The following GABRB1 variants were observed in gnomAD, a reference collection of about 807,000 sequenced individuals.
GABRB1 encodes gamma-aminobutyric acid receptor subunit beta-1.
In GABRB1, 17 loss-of-function variants were observed where a neutral mutation model predicts 51.6. The observed-to-expected ratio is 0.33, with a 90% CI of 0.23 to 0.49. The LOEUF is 0.49. Among genes scored for constraint, GABRB1 ranks in the 20% least tolerant of loss-of-function variants. The pLI is 0.99. For synonymous variants in GABRB1, 247 were observed against 218.9 expected (o/e 1.13, Z -1.14); for missense variants, 410 against 600.6 (o/e 0.68, Z 3.32).
chr4:47,044,567 A>C (rs2109494892), intron 3 of GABRB1, among the ~76,000 whole-genome samples: 1 of 152,162 alleles, frequency 6.6e-6, no homozygotes, highest in East Asian at 1.9e-4. Context: ...GAGTGTCACG[A>C]GATATATATG....
chr4:47,068,227 T>C (rs566061668), intron 3 of GABRB1, among the ~76,000 whole-genome samples: 2 of 152,338 alleles, frequency 1.3e-5, no homozygotes, highest in East Asian at 3.9e-4. Flanking sequence ...CTTAAAGTAA[T>C]GTTGTGGCTG....
chr4:47,059,268 C>A (rs1352725708), intron 3 of GABRB1, among the ~76,000 whole-genome samples: 2 of 152,164 alleles, frequency 1.3e-5, no homozygotes, highest in Non-Finnish European at 2.9e-5. Flanking sequence ...ATGCTGTTTA[C>A]CCCTAGGTTT....
At chr4:47,373,042 C>T (rs1359928082) in intron 5 of GABRB1, among the ~76,000 whole-genome samples, 5 of 152,186 alleles carry the variant, frequency 3.3e-5, no homozygotes, top group Non-Finnish European at 1.5e-5. Flanking sequence ...GACACAGAGA[C>T]TTGTCAGTAA....
At chr4:47,358,157 G>A (rs6812354) in intron 5 of GABRB1, among the ~76,000 whole-genome samples, 64,478 of 151,754 alleles carry the variant, frequency 0.42, 14,305 homozygotes, top group African/African-American at 0.48. Context: ...TCTAAAGGCC[G>A]TTCACTTAGC....
chr4:47,284,269 C>A (rs577969464), intron 4 of GABRB1, among the ~76,000 whole-genome samples: 9 of 152,150 alleles, frequency 5.9e-5, no homozygotes, highest in African/African-American at 2.2e-4. Context: ...AATGCTCTGC[C>A]AGCCACACTT....
intron 4 of GABRB1, among the ~76,000 whole-genome samples, chr4:47,274,433 C>T (rs561080801): frequency 1.3e-5 from 2 of 152,172 alleles, no homozygotes; most frequent in South Asian, 4.1e-4. Context: ...TTATTTTAGA[C>T]CTTTTACTGA....
intron 3 of GABRB1, among the ~76,000 whole-genome samples, chr4:47,067,827 T>C (rs1315975682): frequency 6.6e-6 from 1 of 152,140 alleles, no homozygotes; most frequent in African/African-American, 2.4e-5. Context: ...ACCCATCACC[T>C]AGGTACTAAG....
intron 4 of GABRB1, among the ~76,000 whole-genome samples, chr4:47,266,898 CTG>C (rs529458452): frequency 9.4e-4 from 143 of 151,830 alleles, no homozygotes; most frequent in Non-Finnish European, 1.7e-3. Flanking sequence ...CCCACTCTTA[CTG>C]TATTGCTGTA....
chr4:47,194,056 C>G (rs910231875), intron 4 of GABRB1, among the ~76,000 whole-genome samples: 3 of 152,132 alleles, frequency 2.0e-5, no homozygotes, highest in Admixed American at 1.3e-4. Flanking sequence ...TAAATTTTCT[C>G]CAGTTTCATT....
At chr4:47,320,330 A>C in intron 5 of GABRB1, 121 bp downstream of exon 5, 1 of 713,598 alleles carries the variant, frequency 1.4e-6, no homozygotes, top group Non-Finnish European at 2.5e-6. Flanking sequence ...ATAAGTTTTC[A>C]AAGGGTTTAT....
chr4:47,228,973 T>C (rs755370266), intron 4 of GABRB1, among the ~76,000 whole-genome samples: 1 of 152,198 alleles, frequency 6.6e-6, no homozygotes, highest in Non-Finnish European at 1.5e-5. Context: ...ACAGCCACCA[T>C]GTAGAGAGTG....
At chr4:47,084,793 A>G (rs528555352) in intron 3 of GABRB1, among the ~76,000 whole-genome samples, 13 of 152,286 alleles carry the variant, frequency 8.5e-5, no homozygotes, top group Admixed American at 2.0e-4. Flanking sequence ...AGAGCCAGGA[A>G]CAGGACCCTT....
At chr4:47,133,372 A>C (rs757468225) in intron 3 of GABRB1, among the ~76,000 whole-genome samples, 17 of 152,200 alleles carry the variant, frequency 1.1e-4, no homozygotes, top group Admixed American at 5.9e-4. Flanking sequence ...AGCACTCTAA[A>C]TAATTAATAA....
intron 4 of GABRB1, among the ~76,000 whole-genome samples, chr4:47,265,562 G>A (rs977589894): frequency 2.6e-5 from 4 of 152,106 alleles, no homozygotes; most frequent in Non-Finnish European, 4.4e-5. Flanking sequence ...CCCACCAACA[G>A]TATATAAGTG....
intron 3 of GABRB1, among the ~76,000 whole-genome samples, chr4:47,042,872 C>A (rs1161436120): frequency 6.6e-6 from 1 of 151,998 alleles, no homozygotes; most frequent in Middle Eastern, 3.4e-3. Flanking sequence ...TATACATATA[C>A]CTCATGTATA....
At chr4:47,072,709 T>G (rs1727389124) in intron 3 of GABRB1, among the ~76,000 whole-genome samples, 1 of 152,206 alleles carries the variant, frequency 6.6e-6, no homozygotes, top group Admixed American at 6.5e-5. Flanking sequence ...CAGCAGTGAT[T>G]ATGTATTGTA....
intron 7 of GABRB1, among the ~76,000 whole-genome samples, chr4:47,404,049 A>G (rs1323274746): frequency 6.6e-6 from 1 of 152,226 alleles, no homozygotes; most frequent in African/African-American, 2.4e-5. Flanking sequence ...TTAACAGTGA[A>G]GAACATATAC....
At chr4:47,031,073 C>A (rs995663741), upstream of GABRB1, among the ~76,000 whole-genome samples, 8 of 152,122 alleles carry the variant, frequency 5.3e-5, no homozygotes. Flanking sequence ...TTCTCAAATA[C>A]GTCCTGAGTT....
chr4:47,217,017 T>C (rs147253727), intron 4 of GABRB1, among the ~76,000 whole-genome samples: 33 of 152,022 alleles, frequency 2.2e-4, no homozygotes, highest in African/African-American at 6.7e-4. Flanking sequence ...ACTATACTAC[T>C]GATTAAATAA....
Sources: allele counts gnomAD v4.1 joint callset (sites outside exome capture counted in the v4.1 genomes callset), GRCh38; gene constraint gnomAD v4.1.1; transcripts MANE v1.5; gene names NCBI Gene and HGNC (gene_info 2026-07-23, HGNC 2026-07-21).